Variants in DRC2 observed in about 807,000 individuals in gnomAD.
The protein encoded by DRC2 is dynein regulatory complex subunit 2.
At chr12:48,910,911 G>A in the DRC2 span, among the ~76,000 whole-genome samples, 1 of 152,110 alleles carries the variant, frequency 6.6e-6, no homozygotes, top group Non-Finnish European at 1.5e-5. Flanking sequence ...CGGGCATGGT[G>A]GTATGTGCCT....
the DRC2 span, among the ~76,000 whole-genome samples, chr12:48,905,933 G>C: frequency 6.6e-6 from 1 of 151,856 alleles, no homozygotes; most frequent in Non-Finnish European, 1.5e-5. Context: ...CACCATGCCT[G>C]GCTAATTTTT....
chr12:48,904,141 C>G, the DRC2 span: 1 of 649,524 alleles, frequency 1.5e-6, no homozygotes, highest in South Asian at 2.0e-5. Flanking sequence ...CTAGACGCGT[C>G]TTACAGTGGG....
the DRC2 span, chr12:48,904,554 G>A: frequency 6.6e-7 from 1 of 1,509,464 alleles, no homozygotes; most frequent in South Asian, 1.3e-5. Context: ...TTTTCATCCT[G>A]ACCTCCCCTC....
At chr12:48,912,546 C>T in the DRC2 span, among the ~76,000 whole-genome samples, 4 of 151,028 alleles carry the variant, frequency 2.6e-5, no homozygotes, top group Non-Finnish European at 5.9e-5. Flanking sequence ...GGGCGGGAAG[C>T]AGAAACTGCC....
At chr12:48,909,444 G>C in the DRC2 span, among the ~76,000 whole-genome samples, 1 of 152,066 alleles carries the variant, frequency 6.6e-6, no homozygotes, top group Admixed American at 6.6e-5. Flanking sequence ...TTCTTCTCCA[G>C]TCGTCCTGGC....
chr12:48,920,394 T>G, the DRC2 span, among the ~76,000 whole-genome samples: 1 of 116,768 alleles, frequency 8.6e-6, no homozygotes, highest in Non-Finnish European at 1.6e-5. Context: ...TGAGTCGAGA[T>G]CGCGCCACTG....
the DRC2 span, among the ~76,000 whole-genome samples, chr12:48,917,960 A>G: frequency 2.3e-4 from 35 of 152,328 alleles, no homozygotes; most frequent in African/African-American, 7.9e-4. Context: ...AAACATCCAA[A>G]TTTTCAGCTT....
the DRC2 span, among the ~76,000 whole-genome samples, chr12:48,920,441 T>TTTTTAAAAAAAA: frequency 4.4e-5 from 3 of 67,816 alleles, no homozygotes; most frequent in Admixed American, 2.3e-4. Flanking sequence ...AACTCCATCT[T>TTTTTAAAAAAAA]AAAAAAAAAA....
the DRC2 span, chr12:48,917,082 A>G: frequency 1.9e-6 from 3 of 1,614,190 alleles, no homozygotes; most frequent in Non-Finnish European, 2.5e-6. Flanking sequence ...GGAGTTCCAG[A>G]GCATGTGGAA....
the DRC2 span, chr12:48,914,669 G>T: frequency 8.8e-7 from 1 of 1,139,782 alleles, no homozygotes; most frequent in Non-Finnish European, 1.2e-6. Context: ...TAGTATCTTG[G>T]AGCATCCCAC....
At chr12:48,915,966 G>A in the DRC2 span, among the ~76,000 whole-genome samples, 6 of 148,406 alleles carry the variant, frequency 4.0e-5, no homozygotes, top group East Asian at 8.1e-4. Flanking sequence ...CAGACAGGGC[G>A]GCGGGGCAGA....
the DRC2 span, chr12:48,920,977 C>G: frequency 6.8e-6 from 11 of 1,613,136 alleles, no homozygotes; most frequent in Admixed American, 8.4e-5. Flanking sequence ...AATTTGAAAC[C>G]GAAGAAGAAA....
chr12:48,918,398 G>C, the DRC2 span: 2 of 1,614,076 alleles, frequency 1.2e-6, no homozygotes, highest in African/African-American at 2.7e-5. Context: ...GGCTGCCTTT[G>C]AGACCCTGCA....
the DRC2 span, among the ~76,000 whole-genome samples, chr12:48,908,250 G>A: frequency 7.9e-5 from 12 of 151,952 alleles, no homozygotes; most frequent in Admixed American, 5.3e-4. Flanking sequence ...ATGCAGTCTC[G>A]TTATGTTGCC....
the DRC2 span, among the ~76,000 whole-genome samples, chr12:48,915,114 CTT>C: frequency 4.4e-4 from 59 of 133,900 alleles, no homozygotes; most frequent in Non-Finnish European, 4.8e-4. Context: ...CACTTTCTTT[CTT>C]TTTTTTTTTT....
the DRC2 span, chr12:48,904,218 C>T: frequency 3.6e-6 from 5 of 1,390,508 alleles, no homozygotes; most frequent in African/African-American, 4.4e-5. Context: ...GGTCCCACAA[C>T]CGCCCACAAC....
At chr12:48,920,899 C>A in the DRC2 span, 2 of 1,582,890 alleles carry the variant, frequency 1.3e-6, no homozygotes, top group African/African-American at 2.7e-5. Context: ...ACTCCCTTTC[C>A]TAATATAAAC....
chr12:48,920,743 A>G, the DRC2 span, among the ~76,000 whole-genome samples: 2 of 151,888 alleles, frequency 1.3e-5, no homozygotes, highest in Admixed American at 1.3e-4. Context: ...CTATGAATCA[A>G]TTTTACAATA....
At chr12:48,908,475 C>T in the DRC2 span, among the ~76,000 whole-genome samples, 7 of 152,032 alleles carry the variant, frequency 4.6e-5, no homozygotes, top group South Asian at 1.5e-3. Flanking sequence ...GTAGTTGAGA[C>T]CTGGGCATCA....
Sources: allele counts gnomAD v4.1 joint callset (sites outside exome capture counted in the v4.1 genomes callset), GRCh38; gene constraint gnomAD v4.1.1; transcripts MANE v1.5; gene names NCBI Gene and HGNC (gene_info 2026-07-23, HGNC 2026-07-21).